The following VAMP7 variants were observed in gnomAD, a reference collection of about 807,000 sequenced individuals.
VAMP7 encodes the protein vesicle associated membrane protein 7.
A neutral mutation model predicts 29.6 loss-of-function variants in VAMP7; 14 were observed. The observed-to-expected ratio is 0.47, with a 90% CI of 0.31 to 0.74. VAMP7 has a LOEUF of 0.74. Ranked by LOEUF, VAMP7 falls within the 30% of genes least tolerant of loss-of-function variation. The probability of loss-of-function intolerance (pLI) is 0.05; values close to 1 mark genes in which losing one functional copy is unlikely to be tolerated. For synonymous variants in VAMP7, 95 were observed against 88.1 expected (o/e 1.08, Z -0.44); for missense variants, 223 against 262.4 (o/e 0.85, Z 1.04).
Position 155,941,979 on chromosome X carries a change from A to G in VAMP7, c.*28A>G, listed in dbSNP as rs1431674460. On this transcript the variant is annotated 3_prime_UTR_variant, in exon 8 of 8. Transcript: ENST00000286448. Reference sequence around the variant, plus strand: ...AAGAAGAAGTTACCATTAACCAAGGATATGAGAGAACAAGGAGTTAAAAGC... The same window carrying G: ...AAGAAGAAGTTACCATTAACCAAGGGTATGAGAGAACAAGGAGTTAAAAGC... 3 of 1,613,688 alleles carry G rather than the reference A, an allele frequency of 1.9e-6. No individual in the cohort carries two copies. In the Admixed American group the frequency reaches 5.0e-5, roughly 27 times the overall value.
chrX:155,941,821 T>TTAAGGAAATTAAATCC, intron 7 of VAMP7, 62 bp from the exon 8 acceptor site: 1 of 1,510,180 alleles, frequency 6.6e-7, no homozygotes, highest in Non-Finnish European at 9.0e-7. Flanking sequence ...CTTTCCTATA[T>TTAAGGAAATTAAATCC]ATATTATTTA....
intron 3 of VAMP7, among the ~76,000 whole-genome samples, chrX:155,896,350 G>A (rs2065987302): frequency 6.6e-6 from 1 of 152,110 alleles, no homozygotes; most frequent in Non-Finnish European, 1.5e-5. Flanking sequence ...TGTTAAATTA[G>A]ATAGCATCAT....
intron 6 of VAMP7, among the ~76,000 whole-genome samples, chrX:155,925,027 A>C (rs1004588709): frequency 1.3e-5 from 2 of 152,204 alleles, no homozygotes; most frequent in Non-Finnish European, 2.9e-5. Context: ...CTCATTCATT[A>C]AAGTTTTATC....
chrX:155,919,519 C>T (rs968075214), intron 5 of VAMP7, among the ~76,000 whole-genome samples: 1 of 152,112 alleles, frequency 6.6e-6, no homozygotes, highest in Non-Finnish European at 1.5e-5. Flanking sequence ...TGGGTACATT[C>T]AGTAGTGTAG....
chrX:155,919,286 G>GT (rs377454742), intron 5 of VAMP7, among the ~76,000 whole-genome samples: 100 of 152,170 alleles, frequency 6.6e-4, no homozygotes, highest in African/African-American at 2.3e-3. Flanking sequence ...CTCATTACTG[G>GT]CTTGTTCAGG....
intron 2 of VAMP7, among the ~76,000 whole-genome samples, chrX:155,892,399 C>G: frequency 6.6e-6 from 1 of 152,058 alleles, no homozygotes; most frequent in East Asian, 1.9e-4. Flanking sequence ...CTTAACGGGA[C>G]TTGGAATATT....
Position 155,942,338 on chromosome X carries a change from G to C in VAMP7, c.*387G>C. On this transcript the variant is annotated 3_prime_UTR_variant, in exon 8 of 8. Coordinates refer to ENST00000286448, the MANE Select transcript of VAMP7 (RefSeq NM_005638.6). ...TGCACACAAAAGTATTCAAGAGACAGTATTGCTAACATCTCATCTTAATGT... is the reference window on the plus strand; with the variant it reads ...TGCACACAAAAGTATTCAAGAGACACTATTGCTAACATCTCATCTTAATGT... The C allele has an allele frequency of 1.6e-6, 1 of 641,012 alleles. No individual in the cohort carries two copies. The highest frequency in any genetic ancestry group is 2.3e-5 in the South Asian group (1 of 42,878). The allele number at this position is 641,012 out of a possible 1,614,324, so 39.7% of individuals were successfully genotyped here.
At chrX:155,921,933 G>T (rs993813334) in intron 6 of VAMP7, among the ~76,000 whole-genome samples, 8 of 151,762 alleles carry the variant, frequency 5.3e-5, no homozygotes, top group African/African-American at 1.9e-4. Context: ...AGAGTTTTTC[G>T]GTCCATGAAC....
At chrX:155,938,543 C>A (rs1266851405) in intron 6 of VAMP7, among the ~76,000 whole-genome samples, 3 of 152,122 alleles carry the variant, frequency 2.0e-5, no homozygotes, top group South Asian at 4.2e-4. Flanking sequence ...GAACCAACAC[C>A]CAGATTAAGA....
chrX:155,933,451 A>G (rs899943675), intron 6 of VAMP7, among the ~76,000 whole-genome samples: 3 of 152,036 alleles, frequency 2.0e-5, no homozygotes, highest in African/African-American at 7.2e-5. Flanking sequence ...TGTGTCAAGG[A>G]ATTTATCCAT....
chrX:155,897,184 A>G (rs1323659134), intron 3 of VAMP7, among the ~76,000 whole-genome samples: 3 of 152,146 alleles, frequency 2.0e-5, no homozygotes. Context: ...ATGAATATAC[A>G]ACCTATATTC....
chrX:155,898,020 T>A, intron 3 of VAMP7, 92 bp from the exon 4 acceptor site: 3 of 1,482,278 alleles, frequency 2.0e-6, no homozygotes, highest in Non-Finnish European at 2.8e-6. Flanking sequence ...CATTGCTCAG[T>A]AAATGTTAGC....
At chrX:155,927,416 A>AG (rs2066484848) in intron 6 of VAMP7, among the ~76,000 whole-genome samples, 1 of 150,800 alleles carries the variant, frequency 6.6e-6, no homozygotes, top group African/African-American at 2.4e-5. Flanking sequence ...AGGAAAAAAA[A>AG]AAAACAAACC....
At chrX:155,883,963 C>T (rs757128447) in intron 1 of VAMP7, among the ~76,000 whole-genome samples, 1 of 151,470 alleles carries the variant, frequency 6.6e-6, no homozygotes, top group African/African-American at 2.4e-5. Context: ...TGATCCACCT[C>T]GGCCTCCCAA....
chrX:155,932,559 G>A (rs1048977087), intron 6 of VAMP7, among the ~76,000 whole-genome samples: 10 of 152,062 alleles, frequency 6.6e-5, no homozygotes, highest in African/African-American at 9.6e-5. Flanking sequence ...CGTTGATTTC[G>A]TATCAAGACT....
At chrX:155,919,383 A>G (rs1374340520) in intron 5 of VAMP7, among the ~76,000 whole-genome samples, 1 of 152,102 alleles carries the variant, frequency 6.6e-6, no homozygotes, top group South Asian at 2.1e-4. Flanking sequence ...GTTTATTAGC[A>G]TATAGTTGTT....
At chrX:155,923,765 C>T (rs770207943) in intron 6 of VAMP7, among the ~76,000 whole-genome samples, 2 of 152,218 alleles carry the variant, frequency 1.3e-5, no homozygotes, top group East Asian at 1.9e-4. Flanking sequence ...TATTAAGCCA[C>T]TTGAAGCTGT....
intron 4 of VAMP7, among the ~76,000 whole-genome samples, chrX:155,899,918 A>G (rs1270406503): frequency 2.0e-5 from 3 of 152,112 alleles, no homozygotes; most frequent in Non-Finnish European, 2.9e-5. Context: ...TGACTGGAAC[A>G]TTGTGTATTA....
At chrX:155,932,008 A>C (rs951711543) in intron 6 of VAMP7, among the ~76,000 whole-genome samples, 1 of 152,120 alleles carries the variant, frequency 6.6e-6, no homozygotes, top group Non-Finnish European at 1.5e-5. Context: ...GTCAAAGATG[A>C]CATGGTTGTA....
Sources: gnomAD v4.1 joint callset for allele counts (sites outside exome capture counted in the v4.1 genomes callset) on GRCh38, gnomAD v4.1.1 for gene constraint, MANE v1.5 for transcripts, NCBI Gene and HGNC (gene_info 2026-07-23, HGNC 2026-07-21) for gene names.